Variants in KCNN2 observed in about 807,000 individuals in gnomAD.
KCNN2 encodes the protein potassium calcium-activated channel subfamily N member 2.
KCNN2 carries 24 observed loss-of-function variants against 55.5 expected under a neutral mutation model. The observed-to-expected ratio is 0.43, with a 90% confidence interval of 0.31 to 0.61. The LOEUF is 0.61. Ranked by LOEUF, KCNN2 falls within the 20% of genes least tolerant of loss-of-function variation. KCNN2 has a pLI of 0.08. For synonymous variants in KCNN2, 431 were observed against 336.1 expected, an observed-to-expected ratio of 1.28 and a Z score of -3.09; for missense variants, 754 against 853.6, an observed-to-expected ratio of 0.88 and a Z score of 1.45.
intron 2 of KCNN2, among the ~76,000 whole-genome samples, chr5:114,323,322 G>C (rs1033242882): frequency 2.6e-4 from 40 of 152,262 alleles, no homozygotes; most frequent in African/African-American, 9.6e-4. Context: ...GTTGCTTGAT[G>C]TCTCTGTGCC....
intron 2 of KCNN2, among the ~76,000 whole-genome samples, chr5:114,244,682 G>A (rs2112619906): frequency 6.6e-6 from 1 of 152,086 alleles, no homozygotes; most frequent in East Asian, 1.9e-4. Flanking sequence ...AAGGTCTGTG[G>A]GCTTCTTTAG....
chr5:114,173,142 G>A (rs527744745), intron 1 of KCNN2, among the ~76,000 whole-genome samples: 6 of 151,876 alleles, frequency 4.0e-5, no homozygotes, highest in Admixed American at 2.6e-4. Flanking sequence ...AGTTTCTTCT[G>A]CATAAGAATA....
intron 1 of KCNN2, among the ~76,000 whole-genome samples, chr5:114,080,104 C>T (rs1442684719): frequency 6.6e-6 from 1 of 152,072 alleles, no homozygotes; most frequent in Non-Finnish European, 1.5e-5. Flanking sequence ...AGCTTCTTTC[C>T]TGAAGTCTTG....
At chr5:114,142,279 T>C (rs1343192202) in intron 1 of KCNN2, among the ~76,000 whole-genome samples, 9 of 152,200 alleles carry the variant, frequency 5.9e-5, no homozygotes, top group African/African-American at 2.2e-4. Context: ...AACGTTTAAG[T>C]CTTTAATCCA....
chr5:114,237,236 C>T (rs1459826485), intron 2 of KCNN2, among the ~76,000 whole-genome samples: 1 of 149,096 alleles, frequency 6.7e-6, no homozygotes, highest in Non-Finnish European at 1.5e-5. Context: ...CTTCCATCTC[C>T]TGATGTGGGT....
chr5:114,410,234 T>C (rs1759088323), intron 3 of KCNN2, among the ~76,000 whole-genome samples: 1 of 152,224 alleles, frequency 6.6e-6, no homozygotes, highest in African/African-American at 2.4e-5. Flanking sequence ...TATCCAATCC[T>C]GACTTGTACC....
At position 114,155,123 on chromosome 5, in the gene KCNN2, G is replaced by C. The variant is rs145585196; in HGVS notation, c.-270-66357G>C. On this transcript the variant is annotated intron_variant, in intron 1 of 10. Transcript: ENST00000512097. ...CTCATCATTTAGCTACTACTACTAA[G>C]TGAGAACATGTGGTATTTGGTTTTC... Among the ~76,000 whole-genome samples, 463 of 152,140 alleles carry C rather than the reference G, an allele frequency of 3.0e-3. 3 individuals are homozygous for C. The highest frequency in any genetic ancestry group is 0.011 in the African/African-American group (440 of 41,522).
intron 2 of KCNN2, among the ~76,000 whole-genome samples, chr5:114,385,808 A>C (rs1421773110): frequency 6.6e-6 from 1 of 151,582 alleles, no homozygotes; most frequent in African/African-American, 2.4e-5. Flanking sequence ...GATGCACAAC[A>C]GTGGGTAATT....
At chr5:114,072,203 A>T (rs1025827498) in intron 1 of KCNN2, among the ~76,000 whole-genome samples, 6 of 152,074 alleles carry the variant, frequency 3.9e-5, no homozygotes, top group African/African-American at 1.4e-4. Flanking sequence ...GAGGCAGAAG[A>T]ATTGCTGGAA....
chr5:114,323,649 A>ATTTTTTTTTTTTTTT lies in KCNN2; in HGVS notation c.-184-37292_-184-37278dup, dbSNP rs6149185. Among the ~76,000 whole-genome samples the ATTTTTTTTTTTTTTT allele has an allele frequency of 3.4e-3, 290 of 85,248 alleles. 25 individuals carry two copies. The highest frequency in any genetic ancestry group is 0.013 in the East Asian group (31 of 2,322). The allele number at this position is 85,248 out of a possible 152,430, so 55.9% of individuals were successfully genotyped here. On this transcript the variant is annotated intron_variant, in intron 2 of 10. Coordinates refer to the KCNN2 transcript ENST00000512097. Reference sequence around the variant, plus strand: ...TAAGTATCATGATATAAACATATCAATTTTTTTTTTTTTTTTTTGCTGGTC... The same window carrying ATTTTTTTTTTTTTTT: ...TAAGTATCATGATATAAACATATCAATTTTTTTTTTTTTTTTTTTTTTTTTTTTTTTTTGCTGGTC...
upstream of KCNN2, among the ~76,000 whole-genome samples, chr5:114,359,521 CAA>C (rs1286635104): frequency 6.6e-6 from 1 of 152,134 alleles, no homozygotes; most frequent in African/African-American, 2.4e-5. Context: ...TGCTATTTGA[CAA>C]AGTCAGTTTG....
chr5:114,486,253 A>G (rs1157075259), intron 5 of KCNN2, among the ~76,000 whole-genome samples: 1 of 152,232 alleles, frequency 6.6e-6, no homozygotes, highest in East Asian at 1.9e-4. Flanking sequence ...AGCCCAAGTG[A>G]AAGCTGTGGG....
intron 1 of KCNN2, among the ~76,000 whole-genome samples, chr5:114,164,759 T>TAGGG (rs1752873112): frequency 6.6e-6 from 1 of 152,186 alleles, no homozygotes; most frequent in Non-Finnish European, 1.5e-5. Context: ...TAGAACAACT[T>TAGGG]AGCTCCCTTT....
intron 2 of KCNN2, among the ~76,000 whole-genome samples, chr5:114,293,586 C>T (rs988734347): frequency 4.3e-4 from 65 of 152,244 alleles, no homozygotes; most frequent in East Asian, 3.9e-4. Flanking sequence ...CTGCTGGATT[C>T]AGTTTGCCAG....
intron 2 of KCNN2, among the ~76,000 whole-genome samples, chr5:114,248,311 T>C (rs1414008306): frequency 6.6e-6 from 1 of 152,154 alleles, no homozygotes; most frequent in Non-Finnish European, 1.5e-5. Flanking sequence ...CTATAGTACA[T>C]CTTTTAATTT....
At chr5:114,483,125 A>G (rs1762299407) in intron 5 of KCNN2, among the ~76,000 whole-genome samples, 1 of 151,946 alleles carries the variant, frequency 6.6e-6, no homozygotes, top group Admixed American at 6.6e-5. Flanking sequence ...AATATTTTGT[A>G]TCTTACTACC....
At chr5:114,189,781 C>G (rs568275431) in intron 1 of KCNN2, among the ~76,000 whole-genome samples, 3 of 152,030 alleles carry the variant, frequency 2.0e-5, no homozygotes, top group Admixed American at 2.0e-4. Flanking sequence ...AACAGAGAAT[C>G]CAGAAAGATA....
upstream of KCNN2, among the ~76,000 whole-genome samples, chr5:114,361,334 C>A (rs1251670835): frequency 6.6e-6 from 1 of 152,130 alleles, no homozygotes; most frequent in Non-Finnish European, 1.5e-5. Context: ...GAGCGCCGCG[C>A]ACCCAATCCA....
intron 1 of KCNN2, among the ~76,000 whole-genome samples, chr5:114,088,217 G>A (rs1751057641): frequency 6.6e-6 from 1 of 151,964 alleles, no homozygotes; most frequent in Non-Finnish European, 1.5e-5. Context: ...GGCTGGCATT[G>A]CTTCTGAAAT....
Sources: allele counts gnomAD v4.1 joint callset (sites outside exome capture counted in the v4.1 genomes callset), GRCh38; gene constraint gnomAD v4.1.1; transcripts MANE v1.5; gene names NCBI Gene and HGNC (gene_info 2026-07-23, HGNC 2026-07-21).